MIA2: variants seen among roughly 807,000 people sequenced by gnomAD.
MIA2 encodes the protein melanoma inhibitory activity protein 2.
In MIA2, 127 loss-of-function variants were observed where a neutral mutation model predicts 167.8. That is an observed-to-expected ratio of 0.76 (90% CI 0.66 to 0.88). The LOEUF (loss-of-function observed/expected upper bound fraction) is 0.88, where lower values mean the gene tolerates loss of function less well. Among genes scored for constraint, MIA2 ranks in the 40% least tolerant of loss-of-function variants. The pLI is 0.00. For synonymous variants in MIA2, 552 were observed against 541.9 expected (o/e 1.02, Z -0.26); for missense variants, 1,690 against 1,624.7 (o/e 1.04, Z -0.69).
At chr14:39,297,546 C>A (rs939483380) in intron 13 of MIA2, among the ~76,000 whole-genome samples, 1 of 152,088 alleles carries the variant, frequency 6.6e-6, no homozygotes, top group Non-Finnish European at 1.5e-5. Flanking sequence ...TCTGACTGTT[C>A]AGTAGTCAGT....
chr14:39,242,324 A>AT (rs56734587), intron 3 of MIA2, among the ~76,000 whole-genome samples: 51,103 of 141,112 alleles, frequency 0.36, 10,810 homozygotes, highest in African/African-American at 0.59. Context: ...TACTTATTGC[A>AT]TTTTTTTTTT....
intron 4 of MIA2, among the ~76,000 whole-genome samples, chr14:39,250,555 G>A (rs1240801421): frequency 6.6e-6 from 1 of 151,876 alleles, no homozygotes; most frequent in Non-Finnish European, 1.5e-5. Flanking sequence ...AATTAGCTGG[G>A]CATGGTGGTG....
intron 6 of MIA2, chr14:39,265,836 A>G (rs1237319807): frequency 6.6e-6 from 2 of 303,242 alleles, no homozygotes; most frequent in Non-Finnish European, 9.8e-6. Context: ...AACTATTCAC[A>G]TAATTTTAAT....
chr14:39,302,674 T>G (rs1475766046), intron 15 of MIA2, among the ~76,000 whole-genome samples: 1 of 152,210 alleles, frequency 6.6e-6, no homozygotes, highest in Non-Finnish European at 1.5e-5. Flanking sequence ...TACAGTACTT[T>G]TAATGTTAGC....
intron 25 of MIA2, among the ~76,000 whole-genome samples, chr14:39,338,439 C>G (rs1476145302): frequency 1.3e-5 from 2 of 151,760 alleles, no homozygotes; most frequent in African/African-American, 4.8e-5. Context: ...GATTTTTTTT[C>G]ACAATTTGAG....
At chr14:39,294,673 T>C (rs1200478105) in intron 12 of MIA2, among the ~76,000 whole-genome samples, 1 of 152,160 alleles carries the variant, frequency 6.6e-6, no homozygotes, top group African/African-American at 2.4e-5. Context: ...TAAATAGTTA[T>C]CAAAATTTGC....
At chr14:39,378,825 A>C (rs1210465220) in intron 23 of MIA2, among the ~76,000 whole-genome samples, 2 of 152,250 alleles carry the variant, frequency 1.3e-5, no homozygotes, top group Non-Finnish European at 2.9e-5. Flanking sequence ...TACCAAAAAA[A>C]TTAATGAAGA....
intron 6 of MIA2, among the ~76,000 whole-genome samples, chr14:39,273,917 A>G (rs949845166): frequency 4.6e-5 from 7 of 152,178 alleles, no homozygotes; most frequent in African/African-American, 1.7e-4. Flanking sequence ...TTAATGTTTT[A>G]TCTTGGAGAG....
intron 23 of MIA2, among the ~76,000 whole-genome samples, chr14:39,381,701 T>A (rs2075166806): frequency 6.7e-6 from 1 of 148,998 alleles, no homozygotes; most frequent in African/African-American, 2.5e-5. Context: ...TTTCCCCAGC[T>A]GTGGGAATCT....
intron 25 of MIA2, among the ~76,000 whole-genome samples, chr14:39,332,199 A>G (rs570022723): frequency 6.6e-6 from 1 of 152,076 alleles, no homozygotes; most frequent in African/African-American, 2.4e-5. Context: ...TTAGTGTTCA[A>G]TCTCTGATAT....
Position 39,316,087 on chromosome 14 carries a change from G to T in MIA2, c.3216+369G>T, listed in dbSNP as rs374475302. ...CCTCATTTGTGTAACAATGGGATTA[G>T]ATTAAGTGATCTTAGAAGCCCCTTC... On this transcript the variant is annotated intron_variant, in intron 21 of 28. Coordinates refer to ENST00000640607, the MANE Select transcript of MIA2 (RefSeq NM_001329214.4). Among the ~76,000 whole-genome samples the T allele has an allele frequency of 6.6e-4, 101 of 152,294 alleles. 1 individual carries two copies. Among genetic ancestry groups the T allele is most frequent in the African/African-American group, 2.4e-3 (99 of 41,562 alleles).
intron 13 of MIA2, 117 bp downstream of exon 13, chr14:39,295,146 G>A: frequency 1.4e-6 from 1 of 721,282 alleles, no homozygotes; most frequent in Non-Finnish European, 2.5e-6. Context: ...GAGCATGAGA[G>A]CAGGACAGTC....
chr14:39,268,400 A>C (rs769692761), intron 6 of MIA2, among the ~76,000 whole-genome samples: 7 of 152,108 alleles, frequency 4.6e-5, no homozygotes, highest in African/African-American at 1.7e-4. Flanking sequence ...TTCTAAATGG[A>C]CTAAGACTTA....
chr14:39,369,557 T>G (rs940884323), intron 23 of MIA2, among the ~76,000 whole-genome samples: 1 of 152,244 alleles, frequency 6.6e-6, no homozygotes, highest in Admixed American at 6.5e-5. Context: ...TCTCTAGTTA[T>G]TTTATCTTCA....
chr14:39,293,903 T>C (rs1459158636), intron 11 of MIA2, 97 bp from the exon 12 acceptor site: 14 of 891,824 alleles, frequency 1.6e-5, no homozygotes, highest in South Asian at 1.0e-4. Flanking sequence ...GCTTCACTTA[T>C]GGAGCTAAAG....
intron 23 of MIA2, among the ~76,000 whole-genome samples, chr14:39,375,237 CTG>C (rs1178024302): frequency 6.6e-6 from 1 of 152,172 alleles, no homozygotes; most frequent in African/African-American, 2.4e-5. Flanking sequence ...ATAATTGGCT[CTG>C]TTGATTAAAG....
In MIA2 at chr14:39,279,479, C is replaced by T. The variant is rs932353978; in HGVS notation, c.2072C>T (p.Ser691Phe). Residue 691 changes from serine (S) to phenylalanine (F), a missense_variant, in exon 9 of 29, where the codon TCT (serine) becomes TTT (phenylalanine). Physicochemically the swap from Ser to Phe is radical, Grantham distance 155. Transcript: ENST00000640607. ...GAGAAAAAGCTTGCTCTAATGCTTT[C>T]TGGACTAATTGAAGAAAAAAGTAAA... is the stretch of plus-strand genomic sequence containing the variant. ...GREKKLALML[S>F]GLIEEKSKLL... 2 of 1,609,672 alleles carry T rather than the reference C, an allele frequency of 1.2e-6. No homozygotes were observed. Among genetic ancestry groups the T allele is most frequent in the Non-Finnish European group, 1.7e-6 (2 of 1,179,220 alleles).
At chr14:39,302,096 C>T (rs745787894) in intron 14 of MIA2, 33 bp from the exon 15 acceptor site, 4 of 1,604,712 alleles carry the variant, frequency 2.5e-6, no homozygotes, top group Admixed American at 1.7e-5. Flanking sequence ...AAGGCATTAC[C>T]CTCTCTATTT....
chr14:39,248,064 C>G lies in MIA2; in HGVS notation c.1490C>G (p.Thr497Ser), dbSNP rs1376400103. ...AATAATGTAATTGAAAATGAAGAAA[C>G]TGGAGAATTTTCCATTGATAATTAT... ...DQNNVIENEE[T>S]GEFSIDNYPT... Residue 497 changes from threonine to serine, a missense_variant, in exon 4 of 29, where the codon ACT (threonine) becomes AGT (serine). By Grantham distance (58) the Thr-to-Ser change is moderately conservative. Transcript: ENST00000640607. 6.4e-7 allele frequency: 1 copy of G among 1,566,048 alleles called. No homozygotes were observed. Among genetic ancestry groups the G allele is most frequent in the African/African-American group, 1.4e-5 (1 of 72,742 alleles).
Sources: gnomAD v4.1 joint callset for allele counts (sites outside exome capture counted in the v4.1 genomes callset) on GRCh38, gnomAD v4.1.1 for gene constraint, MANE v1.5 for transcripts, NCBI Gene and HGNC (gene_info 2026-07-23, HGNC 2026-07-21) for gene names.